ERBB2: variants seen among roughly 807,000 people sequenced by gnomAD.
The protein encoded by ERBB2 is erb-b2 receptor tyrosine kinase 2.
In ERBB2, 61 loss-of-function variants were observed where a neutral mutation model predicts 149.0. The ratio of observed to expected loss-of-function variants is 0.41; its 90% CI spans 0.33 to 0.51. The LOEUF is 0.51. ERBB2 is among the 20% of genes least tolerant of loss of function. The pLI is 0.25. For missense variants in ERBB2, 1,205 were observed against 1,655.1 expected, an observed-to-expected ratio of 0.73 and a Z score of 4.72; for synonymous variants, 633 against 678.8, an observed-to-expected ratio of 0.93 and a Z score of 1.05.
rs2145407299 is a variant in ERBB2, at chr17:39,707,057, C to T, written c.141C>T (p.Arg47=). The part of the protein sequence containing the change: ...ASPETHLDML[R]HLYQGCQVVQ... ...CCGAGACCCACCTGGACATGCTCCG[C>T]CACCTCTACCAGGGCTGCCAGGTGG... The change falls in exon 2 of 27, where the codon CGC becomes CGT. Residue 47 remains arginine, a synonymous_variant. Transcript: ENST00000269571. The T allele has an allele frequency of 6.2e-7, 1 of 1,608,668 alleles. No homozygotes were observed. Among genetic ancestry groups the T allele is most frequent in the Non-Finnish European group, 8.5e-7 (1 of 1,177,720 alleles).
In ERBB2 at chr17:39,725,023, G is replaced by A. The variant is rs1217945519; in HGVS notation, c.2494-26G>A. ...GGCCAGGCCCAGGCCCTCCCAGAAG[G>A]TCTACATGGGTGCTTCCCATTCCAG... On this transcript the variant is annotated intron_variant, in intron 20 of 26. Coordinates refer to ENST00000269571, the MANE Select transcript of ERBB2 (RefSeq NM_004448.4). The surrounding 1 kb of genome is among the most constrained non-coding windows in gnomAD (Gnocchi z 4.6). 6.2e-6 allele frequency: 10 copies of A among 1,613,810 alleles called. No homozygotes were observed. Among genetic ancestry groups the A allele is most frequent in the Non-Finnish European group, 7.6e-6 (9 of 1,179,816 alleles).
chr17:39,724,701 C>T, intron 19 of ERBB2, 25 bp from the exon 20 acceptor site: 2 of 1,609,566 alleles, frequency 1.2e-6, no homozygotes, highest in Non-Finnish European at 1.7e-6. Context: ...TCTCCCATAC[C>T]CTCTCAGCGT....
chr17:39,724,222 G>A (rs977422575), intron 19 of ERBB2, among the ~76,000 whole-genome samples: 9 of 148,834 alleles, frequency 6.0e-5, no homozygotes, highest in Non-Finnish European at 1.3e-4. Flanking sequence ...GGACTCAAGC[G>A]ATTTTCATGC....
At chr17:39,705,739 C>T (rs1287038587) in intron 1 of ERBB2, among the ~76,000 whole-genome samples, 1 of 152,092 alleles carries the variant, frequency 6.6e-6, no homozygotes, top group Non-Finnish European at 1.5e-5. Context: ...CGTATTACCC[C>T]CTAGGATTTG....
At chr17:39,710,845 G>A (rs1366205579) in intron 7 of ERBB2, among the ~76,000 whole-genome samples, 1 of 152,242 alleles carries the variant, frequency 6.6e-6, no homozygotes, top group African/African-American at 2.4e-5. Context: ...TTAGAACGGT[G>A]CCTGGTATGT....
At chr17:39,693,068 A>G (rs1214257710), upstream of ERBB2, among the ~76,000 whole-genome samples, 1 of 152,178 alleles carries the variant, frequency 6.6e-6, no homozygotes, top group Non-Finnish European at 1.5e-5. Flanking sequence ...TCTCAAAACA[A>G]AAACAAAAAC....
At chr17:39,692,750 T>C (rs548782862), upstream of ERBB2, among the ~76,000 whole-genome samples, 4 of 152,144 alleles carry the variant, frequency 2.6e-5, no homozygotes, top group Admixed American at 6.5e-5. Context: ...GTACCGTCTG[T>C]GTATATAATC....
In ERBB2 at chr17:39,728,262, T is replaced by C; in HGVS notation, c.*218T>C. 2.1e-6 allele frequency: 1 copy of C among 475,698 alleles called. No homozygotes were observed. Among genetic ancestry groups the C allele is most frequent in the Non-Finnish European group, 3.7e-6 (1 of 267,044 alleles). 29.5% of individuals were successfully genotyped at this position (475,698 alleles called of 1,614,324 possible). A position where few individuals can be genotyped will look rare whatever the true frequency, so the allele number is the denominator to read the frequency against. On this transcript the variant is annotated 3_prime_UTR_variant, in exon 27 of 27. Transcript: ENST00000269571. Reference sequence around the variant, plus strand: ...GAAGAGGAACAGCACTGGGGAGTCTTTGTGGATTCTGAGGCCCTGCCCAAT... The same window carrying C: ...GAAGAGGAACAGCACTGGGGAGTCTCTGTGGATTCTGAGGCCCTGCCCAAT...
chr17:39,715,993 C>A (rs2145664113), intron 12 of ERBB2, 54 bp downstream of exon 12: 1 of 1,541,382 alleles, frequency 6.5e-7, no homozygotes, highest in Non-Finnish European at 8.8e-7. Flanking sequence ...CACAGCAGTG[C>A]CCAGGGGGCC....
rs2145684865 is a variant in ERBB2, at chr17:39,716,501, G to C, written c.1647-14G>C. The C allele has an allele frequency of 3.1e-6, 5 of 1,614,076 alleles. No homozygotes were observed. Among genetic ancestry groups the C allele is most frequent in the Non-Finnish European group, 4.2e-6 (5 of 1,179,970 alleles). ...GCTCCTCTCAGACCCCCTCACCACT[G>C]TCCCTTCTCTCAGGCTCCCCAGGGA... On this transcript the variant is annotated splice_polypyrimidine_tract_variant and intron_variant, in intron 13 of 26. Transcript: ENST00000269571.
At chr17:39,706,876 G>T in intron 1 of ERBB2, 114 bp from the exon 2 acceptor site, 1 of 1,115,120 alleles carries the variant, frequency 9.0e-7, no homozygotes. Flanking sequence ...GGGTCCTTCA[G>T]TCAGGCTTCT....
chr17:39,699,483 G>T (rs1457521330), upstream of ERBB2: 2 of 1,433,956 alleles, frequency 1.4e-6, no homozygotes, highest in East Asian at 2.5e-5. Context: ...AAGTCCTTTC[G>T]ATGTGACTGT....
chr17:39,720,869 C>T lies in ERBB2; in HGVS notation c.1946+1035C>T, dbSNP rs549550443. Among the ~76,000 whole-genome samples the T allele has an allele frequency of 5.9e-5, 9 of 152,234 alleles. No homozygotes were observed. The South Asian group carries it at 1.7e-3, about 28-fold the overall frequency. ...TTCACCATGTTGGCCAGGATGGTCT[C>T]GATCTCTTGACCTCAAGATCCGCCC... On this transcript the variant is annotated intron_variant, in intron 16 of 26. Coordinates refer to ENST00000269571, the MANE Select transcript of ERBB2 (RefSeq NM_004448.4).
chr17:39,710,253 G>A (rs2145510553), intron 6 of ERBB2, 52 bp downstream of exon 6: 1 of 1,606,124 alleles, frequency 6.2e-7, no homozygotes, highest in Non-Finnish European at 8.5e-7. Flanking sequence ...GGATGCAAGG[G>A]GTGGGCACCC....
upstream of ERBB2, among the ~76,000 whole-genome samples, chr17:39,694,117 C>A (rs2057771413): frequency 7.2e-6 from 1 of 139,186 alleles, no homozygotes; most frequent in African/African-American, 2.7e-5. Context: ...TCACTCGAAT[C>A]CGGGACACGG....
intron 1 of ERBB2, chr17:39,703,271 G>C (rs1597854645): frequency 6.6e-6 from 1 of 152,470 alleles, no homozygotes. Flanking sequence ...GGGAGGGCTG[G>C]GGTGGGGCCC....
rs2145268694 is a variant in ERBB2 at position 39,700,276 on chromosome 17, T to C, written c.38T>C (p.Leu13Pro). 1 of 1,435,842 alleles carries C rather than the reference T, an allele frequency of 7.0e-7. No individual in the cohort carries two copies. Among genetic ancestry groups the C allele is most frequent in the Non-Finnish European group, 9.1e-7 (1 of 1,097,148 alleles). 88.9% of individuals were successfully genotyped at this position (1,435,842 alleles called of 1,614,324 possible). A position where few individuals can be genotyped will look rare whatever the true frequency, so the allele number is the denominator to read the frequency against. The stretch of plus-strand genomic sequence containing the variant: ...GCCTTGTGCCGCTGGGGGCTCCTCC[T>C]CGCCCTCTTGCCCCCCGGAGCCGCG... ...LAALCRWGLL[L>P]ALLPPGAAST... Residue 13 changes from leucine to proline, a missense_variant, in exon 1 of 27, where the codon CTC becomes CCC. Physicochemically the swap from Leu to Pro is moderately conservative, Grantham distance 98. Around this residue, in one of 6 missense-constraint regions of ERBB2, gnomAD observed 101 missense variants for 95.1 expected, o/e 1.06. Coordinates refer to ENST00000269571, the MANE Select transcript of ERBB2 (RefSeq NM_004448.4).
chr17:39,728,033 G>A lies in ERBB2; in HGVS notation c.3757G>A (p.Val1253Met), dbSNP rs36085723. ...AENPEYLGLD[V>M]PV Reference sequence around the variant, plus strand: ...GAACCCAGAGTACCTGGGTCTGGACGTGCCAGTGTGAACCAGAAGGCCAAG... The same window carrying A: ...GAACCCAGAGTACCTGGGTCTGGACATGCCAGTGTGAACCAGAAGGCCAAG... The change falls in exon 27 of 27, where the codon GTG (valine) becomes ATG (methionine). Residue 1253 changes from valine to methionine, a missense_variant. Transcript: ENST00000269571. 75 of 1,586,986 alleles carry A rather than the reference G, an allele frequency of 4.7e-5. 1 individual carries two copies. In the East Asian group the frequency reaches 1.3e-3, roughly 27 times the overall value.
upstream of ERBB2, chr17:39,696,865 A>G (rs2643195): frequency 0.58 from 88,660 of 152,044 alleles, 27,492 homozygotes; most frequent in South Asian, 0.73. Context: ...GGACACCTCT[A>G]ACCCTGATCC....
Sources: gnomAD v4.1 joint callset for allele counts (sites outside exome capture counted in the v4.1 genomes callset) on GRCh38, gnomAD v4.1.1 for gene constraint, gnomAD v4.1.1 regional missense constraint, Gnocchi (gnomAD v3.1) non-coding constraint, MANE v1.5 for transcripts, NCBI Gene and HGNC (gene_info 2026-07-23, HGNC 2026-07-21) for gene names.